Variants in ANO4 observed in about 807,000 individuals in gnomAD.
ANO4 encodes anoctamin-4.
In ANO4, 69 loss-of-function variants were observed where a neutral mutation model predicts 141.9. That is an observed-to-expected ratio of 0.49 (90% CI 0.40 to 0.59). The LOEUF (loss-of-function observed/expected upper bound fraction) is 0.59. ANO4 is among the 20% of genes least tolerant of loss of function. ANO4 has a pLI of 0.00. For missense variants in ANO4, 894 were observed against 1,162.2 expected (o/e 0.77, Z 3.36); for synonymous variants, 350 against 394.3 (o/e 0.89, Z 1.33).
chr12:100,900,091 C>T (rs541633554), intron 1 of ANO4, among the ~76,000 whole-genome samples: 2 of 146,524 alleles, frequency 1.4e-5, no homozygotes, highest in South Asian at 4.4e-4. Flanking sequence ...AAGTACAGTT[C>T]TCACTCAGAA....
intron 3 of ANO4, among the ~76,000 whole-genome samples, chr12:100,770,804 A>G (rs1190310732): frequency 8.6e-6 from 1 of 116,282 alleles, no homozygotes; most frequent in African/African-American, 3.3e-5. Flanking sequence ...TTTTTTTTGC[A>G]TTACTTATCT....
chr12:101,046,233 G>A (rs2047625703), intron 13 of ANO4, among the ~76,000 whole-genome samples: 1 of 152,276 alleles, frequency 6.6e-6, no homozygotes, highest in Non-Finnish European at 1.5e-5. Flanking sequence ...AGAGGAGGTG[G>A]ACTATGGAGT....
intron 1 of ANO4, among the ~76,000 whole-genome samples, chr12:100,861,022 AG>A (rs1459537444): frequency 6.6e-6 from 1 of 152,218 alleles, no homozygotes; most frequent in Non-Finnish European, 1.5e-5. Flanking sequence ...AAGCTTCCAC[AG>A]CATGGAAGGG....
Position 101,099,578 on chromosome 12 carries a change from G to A in ANO4, c.2007G>A (p.Pro669=). The part of the protein sequence containing the change: ...TWNNFMELGY[P]LIQNWWTRRK... ...GTAAGAAATTGATCTTTTTGCCCAG[G>A]TTAATTCAGAATTGGTGGACTAGAA... The change falls in exon 22 of 28, where the codon CCG becomes CCA. Residue 669 remains proline, a splice_region_variant and synonymous_variant. Transcript: ENST00000392977. 6.3e-7 allele frequency: 1 copy of A among 1,593,554 alleles called. No individual in the cohort carries two copies. The highest frequency in any genetic ancestry group is 8.5e-7 in the Non-Finnish European group (1 of 1,174,462).
chr12:100,745,095 G>A (rs1392249662), intron 3 of ANO4, among the ~76,000 whole-genome samples: 2 of 152,068 alleles, frequency 1.3e-5, no homozygotes, highest in Non-Finnish European at 2.9e-5. Context: ...CAGGGTACAG[G>A]TACGTAAGGG....
At chr12:100,905,577 G>T (rs935979456) in intron 2 of ANO4, among the ~76,000 whole-genome samples, 2 of 152,228 alleles carry the variant, frequency 1.3e-5, no homozygotes, top group Non-Finnish European at 2.9e-5. Flanking sequence ...TTTTAGTGGA[G>T]TGGTGGGGAT....
At chr12:100,760,097 G>A (rs999229881) in intron 3 of ANO4, among the ~76,000 whole-genome samples, 15 of 152,088 alleles carry the variant, frequency 9.9e-5, no homozygotes, top group Non-Finnish European at 2.2e-4. Flanking sequence ...CCATTCCCAC[G>A]CATTTCTTTA....
intron 9 of ANO4, among the ~76,000 whole-genome samples, chr12:101,020,426 G>A (rs541969931): frequency 1.3e-5 from 2 of 152,322 alleles, no homozygotes; most frequent in East Asian, 3.9e-4. Context: ...GATATGCATA[G>A]TTCTGATCTG....
At chr12:100,964,511 T>TGGG (rs759496145) in intron 5 of ANO4, among the ~76,000 whole-genome samples, 2 of 152,154 alleles carry the variant, frequency 1.3e-5, no homozygotes, top group Non-Finnish European at 2.9e-5. Context: ...CAATTAGAAA[T>TGGG]TAATATCTCC....
intron 1 of ANO4, among the ~76,000 whole-genome samples, chr12:100,806,061 T>C (rs1473170098): frequency 6.6e-6 from 1 of 152,160 alleles, no homozygotes; most frequent in East Asian, 1.9e-4. Flanking sequence ...TTAGGTGGTG[T>C]GTAGTGTAGA....
At chr12:100,924,661 T>A (rs1265710170) in intron 3 of ANO4, among the ~76,000 whole-genome samples, 2 of 152,240 alleles carry the variant, frequency 1.3e-5, no homozygotes, top group Non-Finnish European at 2.9e-5. Flanking sequence ...AGAAAATAAC[T>A]TTTCATGGAA....
chr12:100,946,446 A>G (rs551685648), intron 5 of ANO4, among the ~76,000 whole-genome samples: 1 of 152,346 alleles, frequency 6.6e-6, no homozygotes, highest in East Asian at 1.9e-4. Flanking sequence ...GGTCAAGCAC[A>G]TAGAAGAGAG....
rs547610590 is a variant in ANO4, at chr12:100,941,561, AATTT to A, written c.298-809_298-806del. ...ATATTCCAGTGAATGAACTGTCTAT[AATTT>A]ATTTATCTATTTATTGTCTGTTCAT... On this transcript the variant is annotated intron_variant, in intron 4 of 27. Coordinates refer to ENST00000392977, the MANE Select transcript of ANO4 (RefSeq NM_001286615.2). Among the ~76,000 whole-genome samples the A allele has an allele frequency of 3.8e-4, 58 of 152,204 alleles. 2 individuals are homozygous for A. The South Asian group carries it at 9.6e-3, about 25-fold the overall frequency.
In ANO4 at chr12:100,850,904, T is replaced by C. The variant is rs550862229; in HGVS notation, c.-140-50742T>C. ...ACATATTTTTTCAGGTTAAAAATTA[T>C]TTTAAATGATTTTAATGAGATATTA... is the stretch of plus-strand genomic sequence containing the variant. On this transcript the variant is annotated intron_variant, in intron 1 of 27. Transcript: ENST00000392977. 3.3e-5 allele frequency among the ~76,000 whole-genome samples: 5 copies of C among 152,284 alleles called. No homozygotes were observed. In the South Asian group the frequency reaches 1.0e-3, roughly 32 times the overall value.
chr12:100,930,850 G>T (rs893588395), intron 3 of ANO4, among the ~76,000 whole-genome samples: 1 of 152,072 alleles, frequency 6.6e-6, no homozygotes, highest in Non-Finnish European at 1.5e-5. Flanking sequence ...AACAGAAACT[G>T]AGTTGTTTGG....
At chr12:100,916,797 A>G (rs1048979843) in intron 2 of ANO4, among the ~76,000 whole-genome samples, 6 of 152,220 alleles carry the variant, frequency 3.9e-5, no homozygotes, top group African/African-American at 9.6e-5. Flanking sequence ...AGGGATTTCT[A>G]TGGACAAAGA....
intron 2 of ANO4, among the ~76,000 whole-genome samples, chr12:100,909,800 A>G (rs1403327995): frequency 6.6e-6 from 1 of 152,208 alleles, no homozygotes; most frequent in African/African-American, 2.4e-5. Context: ...CCTGATGGCT[A>G]TTACAGCCTT....
chr12:100,884,844 G>A (rs990587155), intron 1 of ANO4, among the ~76,000 whole-genome samples: 6 of 152,180 alleles, frequency 3.9e-5, no homozygotes, highest in South Asian at 4.1e-4. Flanking sequence ...ACAGGCATGC[G>A]CAACCATGCC....
chr12:101,026,697 C>CA (rs574984797), intron 9 of ANO4, among the ~76,000 whole-genome samples: 18 of 151,968 alleles, frequency 1.2e-4, no homozygotes, highest in African/African-American at 4.1e-4. Context: ...AACCCATATG[C>CA]AAAAAAATGA....
Sources: gnomAD v4.1 joint callset for allele counts (sites outside exome capture counted in the v4.1 genomes callset) on GRCh38, gnomAD v4.1.1 for gene constraint, MANE v1.5 for transcripts, NCBI Gene and HGNC (gene_info 2026-07-23, HGNC 2026-07-21) for gene names.